Variants in PRKG1 observed in about 807,000 individuals in gnomAD.
PRKG1 encodes the protein cGMP-dependent protein kinase 1.
Under a neutral mutation model 88.1 loss-of-function variants are expected in PRKG1, and 35 were observed. The ratio of observed to expected loss-of-function variants is 0.40; its 90% CI spans 0.30 to 0.53. The LOEUF (loss-of-function observed/expected upper bound fraction) is 0.53, where lower values mean the gene tolerates loss of function less well. PRKG1 is among the 20% of genes least tolerant of loss of function. PRKG1 has a pLI of 0.59. For missense variants in PRKG1, 540 were observed against 839.8 expected, an observed-to-expected ratio of 0.64 and a Z score of 4.41; for synonymous variants, 303 against 292.5, an observed-to-expected ratio of 1.04 and a Z score of -0.37.
At chr10:51,183,471 A>G (rs1837404376) in intron 2 of PRKG1, among the ~76,000 whole-genome samples, 1 of 152,160 alleles carries the variant, frequency 6.6e-6, no homozygotes, top group African/African-American at 2.4e-5. Flanking sequence ...ATCTAGCACC[A>G]TTTCTGCATA....
intron 3 of PRKG1, among the ~76,000 whole-genome samples, chr10:51,469,519 A>G (rs1409881545): frequency 6.6e-6 from 1 of 151,872 alleles, no homozygotes; most frequent in Non-Finnish European, 1.5e-5. Flanking sequence ...TGTTTGCTTC[A>G]TAAACATCAG....
intron 9 of PRKG1, among the ~76,000 whole-genome samples, chr10:52,198,537 A>T (rs984705576): frequency 2.0e-5 from 3 of 152,220 alleles, no homozygotes; most frequent in African/African-American, 7.2e-5. Flanking sequence ...AGTAGTAATG[A>T]CATTATATTA....
At chr10:52,257,851 T>C (rs868451980) in intron 10 of PRKG1, among the ~76,000 whole-genome samples, 1 of 139,434 alleles carries the variant, frequency 7.2e-6, no homozygotes, top group Non-Finnish European at 1.6e-5. Flanking sequence ...TAAACACTAA[T>C]TGAGCATCAG....
intron 8 of PRKG1, among the ~76,000 whole-genome samples, chr10:52,155,893 CT>C (rs1328409846): frequency 1.3e-5 from 2 of 151,962 alleles, no homozygotes; most frequent in African/African-American, 4.8e-5. Flanking sequence ...CACTAAGTCA[CT>C]TTTTTATTTC....
intron 16 of PRKG1, among the ~76,000 whole-genome samples, chr10:52,289,605 T>C (rs1445598371): frequency 6.6e-6 from 1 of 152,190 alleles, no homozygotes; most frequent in Non-Finnish European, 1.5e-5. Context: ...TGCTAAGAAT[T>C]TGTTGTAAGC....
chr10:51,466,898 AGAG>A (rs1195298823), intron 2 of PRKG1, among the ~76,000 whole-genome samples: 4 of 152,034 alleles, frequency 2.6e-5, no homozygotes, highest in African/African-American at 9.7e-5. Flanking sequence ...GAAAAATAGG[AGAG>A]GAGAAGTCAG....
At chr10:51,773,684 A>AT (rs144612922) in intron 3 of PRKG1, among the ~76,000 whole-genome samples, 2,650 of 152,244 alleles carry the variant, frequency 0.017, 96 homozygotes, top group African/African-American at 0.06. Flanking sequence ...GCTAGTGTAC[A>AT]TATACACAAA....
chr10:51,947,945 AGACTG>A (rs1843090921), intron 5 of PRKG1, among the ~76,000 whole-genome samples: 1 of 152,246 alleles, frequency 6.6e-6, no homozygotes, highest in South Asian at 2.1e-4. Flanking sequence ...GGCATGCACA[AGACTG>A]GACACCGTCA....
At chr10:51,741,150 A>C (rs989873472) in intron 3 of PRKG1, among the ~76,000 whole-genome samples, 1 of 152,016 alleles carries the variant, frequency 6.6e-6, no homozygotes, top group African/African-American at 2.4e-5. Flanking sequence ...TTGGTGAAAA[A>C]AAAAAGACAT....
chr10:51,980,120 G>T (rs1843968765), intron 5 of PRKG1, among the ~76,000 whole-genome samples: 1 of 152,022 alleles, frequency 6.6e-6, no homozygotes, highest in Non-Finnish European at 1.5e-5. Context: ...AGCATTTAGT[G>T]CTATAATTTT....
intron 3 of PRKG1, among the ~76,000 whole-genome samples, chr10:51,749,014 T>C (rs1837650589): frequency 6.6e-6 from 1 of 152,230 alleles, no homozygotes; most frequent in Admixed American, 6.5e-5. Context: ...TCTATATAGA[T>C]AGTGACTGTG....
chr10:52,040,582 T>C (rs1240652036), intron 5 of PRKG1, among the ~76,000 whole-genome samples: 3 of 152,200 alleles, frequency 2.0e-5, no homozygotes, highest in Admixed American at 1.3e-4. Context: ...TTAGTCGTTA[T>C]ATTATGTTAG....
chr10:52,262,045 A>T (rs1297052885), intron 10 of PRKG1, among the ~76,000 whole-genome samples: 1 of 152,096 alleles, frequency 6.6e-6, no homozygotes, highest in Non-Finnish European at 1.5e-5. Flanking sequence ...CTTAAATTTA[A>T]ACAGGTAGAT....
At chr10:51,978,924 C>T (rs888719251) in intron 5 of PRKG1, among the ~76,000 whole-genome samples, 5 of 152,036 alleles carry the variant, frequency 3.3e-5, no homozygotes, top group African/African-American at 1.2e-4. Flanking sequence ...GCTTGACTTC[C>T]TTTCTTTCTA....
At chr10:51,021,706 G>A (rs1158333053) in intron 1 of PRKG1, among the ~76,000 whole-genome samples, 1 of 152,110 alleles carries the variant, frequency 6.6e-6, no homozygotes, top group Non-Finnish European at 1.5e-5. Flanking sequence ...TTGAGGTGAA[G>A]TCTCACTCTT....
At chr10:51,585,427 A>G (rs2132195659) in intron 3 of PRKG1, among the ~76,000 whole-genome samples, 1 of 152,274 alleles carries the variant, frequency 6.6e-6, no homozygotes, top group African/African-American at 2.4e-5. Context: ...AACTTGGTGC[A>G]TTATTTTATT....
At chr10:51,091,436 T>C (rs1225143558) in intron 1 of PRKG1, among the ~76,000 whole-genome samples, 1 of 152,206 alleles carries the variant, frequency 6.6e-6, no homozygotes, top group Admixed American at 6.5e-5. Context: ...TTTATAAATT[T>C]TCCTTTTCTA....
rs555258685 is a variant in PRKG1, at chr10:51,278,455, G to T, written c.478+125125G>T. Among the ~76,000 whole-genome samples, 8 of 152,256 alleles carry T rather than the reference G, an allele frequency of 5.3e-5. No individual in the cohort carries two copies. In the East Asian group the frequency reaches 1.5e-3, roughly 29 times the overall value. ...CTCTGCTAGGCTTTGGTATTAGGAT[G>T]ATGCTGGCCTCATAAAATGAGTTTG... On this transcript the variant is annotated intron_variant, in intron 2 of 17. Coordinates refer to ENST00000373980, the MANE Select transcript of PRKG1 (RefSeq NM_006258.4).
At chr10:51,629,792 G>C (rs558703305) in intron 3 of PRKG1, among the ~76,000 whole-genome samples, 21 of 152,190 alleles carry the variant, frequency 1.4e-4, no homozygotes, top group African/African-American at 4.8e-4. Context: ...CCAGTTCGCG[G>C]GTATTTTATG....
Sources: gnomAD v4.1 joint callset for allele counts (sites outside exome capture counted in the v4.1 genomes callset) on GRCh38, gnomAD v4.1.1 for gene constraint, MANE v1.5 for transcripts, NCBI Gene and HGNC (gene_info 2026-07-23, HGNC 2026-07-21) for gene names.